The following NAALAD2 variants were observed in gnomAD, a reference collection of about 807,000 sequenced individuals.
The protein encoded by NAALAD2 is N-acetylated alpha-linked acidic dipeptidase 2.
In NAALAD2, 89 loss-of-function variants were observed where a neutral mutation model predicts 95.6. The ratio of observed to expected loss-of-function variants is 0.93; its 90% CI spans 0.78 to 1.11. NAALAD2 has a LOEUF of 1.11. NAALAD2 is among the 50% of genes least tolerant of loss of function. The pLI is 0.00. For missense variants in NAALAD2, 894 were observed against 872.4 expected (o/e 1.02, Z -0.31); for synonymous variants, 264 against 294.4 (o/e 0.90, Z 1.06).
chr11:90,182,945 A>G lies in NAALAD2; in HGVS notation c.1970A>G (p.Gln657Arg). Residue 657 changes from glutamine to arginine, a missense_variant, in exon 18 of 19, where the codon CAA (glutamine) becomes CGA (arginine). Coordinates refer to ENST00000534061, the MANE Select transcript of NAALAD2 (RefSeq NM_005467.4). Reference sequence around the variant, plus strand: ...ATTGCAGTGAGAATGATGAATGACCAACTGATGCTCCTGGAAAGAGCATTC... The same window carrying G: ...ATTGCAGTGAGAATGATGAATGACCGACTGATGCTCCTGGAAAGAGCATTC... ...NPIAVRMMND[Q>R]LMLLERAFID... The G allele has an allele frequency of 6.2e-7, 1 of 1,612,096 alleles. No homozygotes were observed. The highest frequency in any genetic ancestry group is 8.5e-7 in the Non-Finnish European group (1 of 1,178,518).
intron 18 of NAALAD2, among the ~76,000 whole-genome samples, chr11:90,188,335 T>A (rs1202782441): frequency 6.6e-6 from 1 of 152,206 alleles, no homozygotes; most frequent in African/African-American, 2.4e-5. Flanking sequence ...GTGGAACATA[T>A]AAAACATTCT....
chr11:90,167,500 C>G (rs936624616), intron 11 of NAALAD2, among the ~76,000 whole-genome samples: 7 of 152,212 alleles, frequency 4.6e-5, no homozygotes, highest in Admixed American at 3.3e-4. Context: ...CCAGTCCCAT[C>G]GACTGACCAA....
chr11:90,133,147 C>A (rs1951378658), upstream of NAALAD2, among the ~76,000 whole-genome samples: 1 of 152,124 alleles, frequency 6.6e-6, no homozygotes, highest in South Asian at 2.1e-4. Context: ...GGTGCATTAC[C>A]TAAAGCTATC....
intron 1 of NAALAD2, 53 bp from the exon 2 acceptor site, chr11:90,135,506 G>A: frequency 3.0e-6 from 4 of 1,311,612 alleles, no homozygotes; most frequent in Non-Finnish European, 4.2e-6. Context: ...TTTTAATAAA[G>A]TCAAAGTGAT....
At chr11:90,140,636 A>G (rs1951586911) in intron 2 of NAALAD2, among the ~76,000 whole-genome samples, 2 of 152,088 alleles carry the variant, frequency 1.3e-5, no homozygotes, top group South Asian at 4.1e-4. Flanking sequence ...TTGGAAATGC[A>G]GTGAACAAAT....
rs1565521627 is a variant in NAALAD2 at position 90,154,965 on chromosome 11, ATG to A, written c.796+2483_796+2484del. 8.1e-3 allele frequency among the ~76,000 whole-genome samples: 796 copies of A among 97,830 alleles called. 38 individuals carry two copies. Among genetic ancestry groups the A allele is most frequent in the African/African-American group, 0.026 (630 of 23,960 alleles). The allele number at this position is 97,830 out of a possible 152,430, so 64.2% of individuals were successfully genotyped here. On this transcript the variant is annotated intron_variant, in intron 6 of 18. Coordinates refer to ENST00000534061, the MANE Select transcript of NAALAD2 (RefSeq NM_005467.4). ...TATATATTATATACGTATACATAATATGTATATATTATATACGTATACATAAT... is the reference window on the plus strand; with the variant it reads ...TATATATTATATACGTATACATAATATATATATTATATACGTATACATAAT...
intron 7 of NAALAD2, chr11:90,158,557 C>T (rs536110110): frequency 7.1e-5 from 17 of 240,566 alleles, no homozygotes; most frequent in South Asian, 6.8e-4. Flanking sequence ...TTATATTCAA[C>T]GTCTAGTATA....
At chr11:90,159,970 A>C (rs1260277643) in intron 8 of NAALAD2, among the ~76,000 whole-genome samples, 1 of 151,576 alleles carries the variant, frequency 6.6e-6, no homozygotes, top group Non-Finnish European at 1.5e-5. Context: ...AAAAAAAAAA[A>C]AAAAAACTAG....
chr11:90,190,796 A>C (rs1857300103), intron 18 of NAALAD2, among the ~76,000 whole-genome samples: 1 of 152,136 alleles, frequency 6.6e-6, no homozygotes, highest in South Asian at 2.1e-4. Context: ...ATTAATACTG[A>C]CTTATATGGA....
In NAALAD2 at chr11:90,134,710, C is replaced by T. The variant is rs764403303; in HGVS notation, c.-49C>T. On this transcript the variant is annotated 5_prime_UTR_variant, in exon 1 of 19. Coordinates refer to ENST00000534061, the MANE Select transcript of NAALAD2 (RefSeq NM_005467.4). ...CGCGCTCTCTGTTTCTCTGCAGCCC[C>T]GAAGCTCGCGAATGTAGCAGGCGCC... 6 of 1,588,964 alleles carry T rather than the reference C, an allele frequency of 3.8e-6. No homozygotes were observed. Among genetic ancestry groups the T allele is most frequent in the East Asian group, 2.2e-5 (1 of 44,710 alleles).
At chr11:90,183,340 A>C (rs1384668752) in intron 18 of NAALAD2, among the ~76,000 whole-genome samples, 1 of 152,150 alleles carries the variant, frequency 6.6e-6, no homozygotes, top group East Asian at 1.9e-4. Context: ...TCAGATAAAT[A>C]GTTATCCAGT....
chr11:90,134,873 G>C, intron 1 of NAALAD2, 33 bp downstream of exon 1: 1 of 1,608,016 alleles, frequency 6.2e-7, no homozygotes, highest in Non-Finnish European at 8.5e-7. Flanking sequence ...CCCGACTCCG[G>C]GGCTCGTGAT....
At chr11:90,155,178 CATA>C (rs1423504967) in intron 6 of NAALAD2, among the ~76,000 whole-genome samples, 4 of 124,678 alleles carry the variant, frequency 3.2e-5, no homozygotes, top group African/African-American at 6.2e-5. Flanking sequence ...TATACCTATA[CATA>C]ATATGTATAT....
chr11:90,152,351 A>G lies in NAALAD2; in HGVS notation c.663A>G (p.Pro221=), dbSNP rs1222758524. 1.2e-6 allele frequency: 2 copies of G among 1,613,338 alleles called. No homozygotes were observed. Among genetic ancestry groups the G allele is most frequent in the Non-Finnish European group, 1.7e-6 (2 of 1,179,502 alleles). ...GAIGIILYSD[P]ADYFAPEVQP... Reference sequence around the variant, plus strand: ...TAGGAATCATCTTGTACTCAGATCCAGCTGACTACTTTGCTCCTGAGGTAC... The same window carrying G: ...TAGGAATCATCTTGTACTCAGATCCGGCTGACTACTTTGCTCCTGAGGTAC... The change falls in exon 6 of 19, where the codon CCA becomes CCG. Residue 221 remains proline, a synonymous_variant. Coordinates refer to ENST00000534061, the MANE Select transcript of NAALAD2 (RefSeq NM_005467.4).
intron 13 of NAALAD2, among the ~76,000 whole-genome samples, chr11:90,172,459 C>T (rs894714877): frequency 1.3e-5 from 2 of 152,056 alleles, no homozygotes; most frequent in African/African-American, 4.8e-5. Context: ...ACATTTGTGC[C>T]TCTAAATAAG....
intron 15 of NAALAD2, among the ~76,000 whole-genome samples, chr11:90,176,894 C>G (rs1465562119): frequency 6.6e-6 from 1 of 152,152 alleles, no homozygotes; most frequent in Non-Finnish European, 1.5e-5. Context: ...TGCTTACATT[C>G]ATTACAATTA....
intron 11 of NAALAD2, among the ~76,000 whole-genome samples, chr11:90,168,585 T>C (rs1248040577): frequency 6.6e-6 from 1 of 152,194 alleles, no homozygotes; most frequent in Non-Finnish European, 1.5e-5. Flanking sequence ...TCAGTAGATC[T>C]AGGGCAGGGC....
chr11:90,169,967 T>A (rs1234774230), intron 12 of NAALAD2, 102 bp from the exon 13 acceptor site: 2 of 778,092 alleles, frequency 2.6e-6, no homozygotes, highest in African/African-American at 3.5e-5. Context: ...GATTTGAAGA[T>A]CATTATATCT....
chr11:90,191,099 C>G (rs183996960), intron 18 of NAALAD2, among the ~76,000 whole-genome samples: 7 of 152,218 alleles, frequency 4.6e-5, no homozygotes, highest in African/African-American at 1.7e-4. Flanking sequence ...CTTTGAAATA[C>G]AGGCTTCTTT....
Sources: gnomAD v4.1 joint callset for allele counts (sites outside exome capture counted in the v4.1 genomes callset) on GRCh38, gnomAD v4.1.1 for gene constraint, MANE v1.5 for transcripts, NCBI Gene and HGNC (gene_info 2026-07-23, HGNC 2026-07-21) for gene names.